AHI1: variants seen among roughly 807,000 people sequenced by gnomAD.
AHI1 encodes Abelson helper integration site 1, also known as jouberin.
A neutral mutation model predicts 149.3 loss-of-function variants in AHI1; 123 were observed. The observed-to-expected ratio is 0.82, with a 90% CI of 0.71 to 0.96. The LOEUF (loss-of-function observed/expected upper bound fraction) is 0.96, where lower values mean the gene tolerates loss of function less well. AHI1 is among the 40% of genes least tolerant of loss of function. The pLI, the probability that AHI1 is intolerant of heterozygous loss-of-function variation, is 0.00. For synonymous variants in AHI1, 475 were observed against 459.8 expected (o/e 1.03, Z -0.42); for missense variants, 1,439 against 1,422.7 (o/e 1.01, Z -0.18).
intron 24 of AHI1, among the ~76,000 whole-genome samples, chr6:135,335,694 T>C (rs1357648857): frequency 6.6e-6 from 1 of 152,206 alleles, no homozygotes; most frequent in South Asian, 2.1e-4. Flanking sequence ...TAATGAACTG[T>C]AAGCTGTAAG....
chr6:135,313,078 C>T (rs1012761390), intron 26 of AHI1, among the ~76,000 whole-genome samples: 1 of 152,170 alleles, frequency 6.6e-6, no homozygotes, highest in Admixed American at 6.5e-5. Flanking sequence ...TGCTAAGAAG[C>T]TCAGTTACAC....
At chr6:135,469,034 C>T (rs1477105055) in intron 5 of AHI1, among the ~76,000 whole-genome samples, 1 of 152,146 alleles carries the variant, frequency 6.6e-6, no homozygotes, top group Non-Finnish European at 1.5e-5. Context: ...GATACCAAAA[C>T]CTGGCAGAGA....
At chr6:135,383,226 C>CGTTTTTTT in intron 23 of AHI1, among the ~76,000 whole-genome samples, 1 of 76,870 alleles carries the variant, frequency 1.3e-5, no homozygotes, top group Non-Finnish European at 2.2e-5. Context: ...TCCCCCCTCC[C>CGTTTTTTT]TTTTTTTTTT....
At chr6:135,434,029 A>C (rs1416424934) in intron 15 of AHI1, among the ~76,000 whole-genome samples, 1 of 152,028 alleles carries the variant, frequency 6.6e-6, no homozygotes, top group Non-Finnish European at 1.5e-5. Flanking sequence ...AAATCTACCA[A>C]TATACAGGTG....
intron 24 of AHI1, among the ~76,000 whole-genome samples, chr6:135,345,425 T>C (rs1791048277): frequency 6.6e-6 from 1 of 152,146 alleles, no homozygotes; most frequent in South Asian, 2.1e-4. Context: ...AACCCAAATG[T>C]CCATCAGTGA....
At chr6:135,484,302 T>C (rs550387204) in intron 5 of AHI1, among the ~76,000 whole-genome samples, 1 of 152,288 alleles carries the variant, frequency 6.6e-6, no homozygotes, top group Non-Finnish European at 1.5e-5. Flanking sequence ...ATGTCACATG[T>C]TGTACTGTTA....
intron 21 of AHI1, among the ~76,000 whole-genome samples, chr6:135,407,336 A>G (rs1780936439): frequency 6.6e-6 from 1 of 152,226 alleles, no homozygotes; most frequent in Non-Finnish European, 1.5e-5. Context: ...GAAAAGGCAT[A>G]ATGACAAAAG....
chr6:135,382,562 T>C (rs1342150675), intron 23 of AHI1, among the ~76,000 whole-genome samples: 2 of 152,254 alleles, frequency 1.3e-5, no homozygotes, highest in African/African-American at 2.4e-5. Flanking sequence ...TGCAAAAGTA[T>C]GCACTTCACT....
chr6:135,304,028 T>C (rs1784238010), intron 26 of AHI1, among the ~76,000 whole-genome samples: 1 of 152,234 alleles, frequency 6.6e-6, no homozygotes, highest in Non-Finnish European at 1.5e-5. Flanking sequence ...TATGTATATA[T>C]TTGTTTATTC....
chr6:135,292,787 T>C (rs886285179), intron 27 of AHI1, among the ~76,000 whole-genome samples: 1 of 152,136 alleles, frequency 6.6e-6, no homozygotes, highest in Non-Finnish European at 1.5e-5. Context: ...TCTCATGAAA[T>C]AGAGAATATG....
Position 135,457,574 on chromosome 6 carries a change from T to G in AHI1, c.1071A>C (p.Ser357=). 6.2e-7 allele frequency: 1 copy of G among 1,613,982 alleles called. No homozygotes were observed. Among genetic ancestry groups the G allele is most frequent in the Non-Finnish European group, 8.5e-7 (1 of 1,179,870 alleles). The change falls in exon 9 of 29, where the codon TCA becomes TCC. Residue 357 remains serine, a synonymous_variant. Coordinates refer to ENST00000265602, the MANE Select transcript of AHI1 (RefSeq NM_001134831.2). ...VYIHRTDRLK[S]DFMISHPMVK... The stretch of plus-strand genomic sequence containing the variant: ...CCATTGGGTGAGAAATCATAAAATC[T>G]GACTTAAGTCTATCAGTTCGGTGAA...
At chr6:135,394,586 G>A in intron 23 of AHI1, 190 bp downstream of exon 23, 1 of 718,516 alleles carries the variant, frequency 1.4e-6, no homozygotes, top group Non-Finnish European at 2.2e-6. Flanking sequence ...TGTATCTACT[G>A]TTACCAATTC....
intron 13 of AHI1, among the ~76,000 whole-genome samples, chr6:135,444,534 C>T (rs546820424): frequency 2.6e-5 from 4 of 152,316 alleles, no homozygotes; most frequent in Non-Finnish European, 5.9e-5. Context: ...TTCACTCACC[C>T]CTACCTTGAG....
chr6:135,452,890 C>T (rs1788350863), intron 11 of AHI1, among the ~76,000 whole-genome samples: 1 of 152,114 alleles, frequency 6.6e-6, no homozygotes, highest in Admixed American at 6.6e-5. Flanking sequence ...CCTGACCCCA[C>T]AGTTCATCAT....
At chr6:135,360,139 T>C (rs1307723067) in intron 23 of AHI1, among the ~76,000 whole-genome samples, 1 of 152,146 alleles carries the variant, frequency 6.6e-6, no homozygotes, top group African/African-American at 2.4e-5. Context: ...TTTAGGTAAA[T>C]TTTACTTAAA....
intron 24 of AHI1, among the ~76,000 whole-genome samples, chr6:135,326,626 T>C (rs147948020): frequency 0.013 from 1,995 of 152,112 alleles, 41 homozygotes; most frequent in African/African-American, 0.045. Flanking sequence ...AGTGGCGCCA[T>C]CTCGGCTCAC....
intron 20 of AHI1, among the ~76,000 whole-genome samples, chr6:135,414,741 C>T (rs988376378): frequency 6.6e-6 from 1 of 151,974 alleles, no homozygotes; most frequent in African/African-American, 2.4e-5. Context: ...AATAAAATAG[C>T]ACTGCATGTA....
chr6:135,285,529 T>G lies in AHI1; in HGVS notation c.*116A>C. On this transcript the variant is annotated 3_prime_UTR_variant, in exon 29 of 29. Transcript: ENST00000265602. ...AGTCATTCATAAGAACAAGAAGTAG[T>G]GGATCCTTTCTTCCTCCTTAGTATC... is the stretch of plus-strand genomic sequence containing the variant. 1 of 1,089,130 alleles carries G rather than the reference T, an allele frequency of 9.2e-7. No individual in the cohort carries two copies. Among genetic ancestry groups the G allele is most frequent in the Non-Finnish European group, 1.4e-6 (1 of 730,510 alleles). The allele number at this position is 1,089,130 out of a possible 1,614,324, so 67.5% of individuals were successfully genotyped here. A position where few individuals can be genotyped will look rare whatever the true frequency, so the allele number is the denominator to read the frequency against.
chr6:135,450,779 T>C (rs940648867), intron 11 of AHI1, among the ~76,000 whole-genome samples: 1 of 152,160 alleles, frequency 6.6e-6, no homozygotes, highest in Non-Finnish European at 1.5e-5. Context: ...AATTATATAA[T>C]GTAGAGCTCA....
Sources: allele counts gnomAD v4.1 joint callset (sites outside exome capture counted in the v4.1 genomes callset), GRCh38; gene constraint gnomAD v4.1.1; transcripts MANE v1.5; gene names NCBI Gene and HGNC (gene_info 2026-07-23, HGNC 2026-07-21).